TTF2: variants seen among roughly 807,000 people sequenced by gnomAD.
The protein encoded by TTF2 is transcription termination factor 2.
A neutral mutation model predicts 142.4 loss-of-function variants in TTF2; 108 were observed. The observed-to-expected ratio is 0.76, with a 90% CI of 0.65 to 0.89. The LOEUF (loss-of-function observed/expected upper bound fraction) is 0.89. TTF2 is among the 40% of genes least tolerant of loss of function. TTF2 has a pLI of 0.00. For missense variants in TTF2, 1,327 were observed against 1,379.8 expected (o/e 0.96, Z 0.61); for synonymous variants, 483 against 506.2 (o/e 0.95, Z 0.61).
rs1470829837 is a variant in TTF2 at position 117,101,316 on chromosome 1, A to G, written c.3345-64A>G. The G allele has an allele frequency of 2.7e-5, 39 of 1,435,892 alleles. No homozygotes were observed. The highest frequency in any genetic ancestry group is 3.6e-5 in the Non-Finnish European group (39 of 1,076,278). The allele number at this position is 1,435,892 out of a possible 1,614,324, so 88.9% of individuals were successfully genotyped here. On this transcript the variant is annotated intron_variant, in intron 22 of 22. Transcript: ENST00000369466. The surrounding 1 kb of genome is among the most constrained non-coding windows in gnomAD (Gnocchi z 5.9). ...ATGAAAGCATAATAAAAGTTTGAAT[A>G]TATTATTAGATGTGCTGCTTAGGGT...
chr1:117,085,783 G>C lies in TTF2; in HGVS notation c.2055-634G>C, dbSNP rs1339913866. On this transcript the variant is annotated intron_variant, in intron 11 of 22. Coordinates refer to ENST00000369466, the MANE Select transcript of TTF2 (RefSeq NM_003594.4). The surrounding 1 kb of genome is among the most constrained non-coding windows in gnomAD (Gnocchi z 4.7). ...TTTATTGAAGTTCTCACAATATTAA[G>C]CTTCACTGGAAAAAGATTTGTGTTT... 6.6e-6 allele frequency among the ~76,000 whole-genome samples: 1 copy of C among 151,774 alleles called. No individual in the cohort carries two copies. The highest frequency in any genetic ancestry group is 1.5e-5 in the Non-Finnish European group (1 of 67,956).
At chr1:117,098,671 GT>G in intron 21 of TTF2, 161 bp from the exon 22 acceptor site, 1 of 590,974 alleles carries the variant, frequency 1.7e-6, no homozygotes, top group Non-Finnish European at 2.9e-6. Context: ...TGATGTGTGT[GT>G]TTTGTTTTGC....
intron 18 of TTF2, among the ~76,000 whole-genome samples, chr1:117,094,167 A>G (rs1190875497): frequency 1.3e-5 from 2 of 152,216 alleles, no homozygotes; most frequent in African/African-American, 4.8e-5. Flanking sequence ...AAGCAGCCCC[A>G]TGTGGTGACC....
chr1:117,075,292 T>C lies in TTF2; in HGVS notation c.708T>C (p.Ser236=). The C allele has an allele frequency of 6.2e-7, 1 of 1,614,150 alleles. No individual in the cohort carries two copies. Among genetic ancestry groups the C allele is most frequent in the Non-Finnish European group, 8.5e-7 (1 of 1,180,028 alleles). ...AGCTTACAAGACCATCTGCATCTTC[T>C]CAGGAGAAATCAAGTGGTAAGAGTC... ...GNELTRPSAS[S]QEKSSGKSQD... The change falls in exon 5 of 23, where the codon TCT becomes TCC. Residue 236 remains serine, a synonymous_variant. Coordinates refer to ENST00000369466, the MANE Select transcript of TTF2 (RefSeq NM_003594.4). The surrounding 1 kb of genome is among the most constrained non-coding windows in gnomAD (Gnocchi z 4.5).
intron 3 of TTF2, among the ~76,000 whole-genome samples, chr1:117,066,824 T>G (rs1656178417): frequency 6.6e-6 from 1 of 150,542 alleles, no homozygotes; most frequent in Admixed American, 6.6e-5. Flanking sequence ...TGTCTCAGCC[T>G]CCCGAGTAGC....
chr1:117,095,722 T>C (rs1469973289), intron 19 of TTF2, among the ~76,000 whole-genome samples: 1 of 152,166 alleles, frequency 6.6e-6, no homozygotes, highest in African/African-American at 2.4e-5. Flanking sequence ...CCTGCATTAT[T>C]TATAAAATAA....
At position 117,101,313 on chromosome 1, in the gene TTF2, A is replaced by C; in HGVS notation, c.3345-67A>C. 7.0e-7 allele frequency: 1 copy of C among 1,428,204 alleles called. No individual in the cohort carries two copies. Among genetic ancestry groups the C allele is most frequent in the Non-Finnish European group, 9.3e-7 (1 of 1,071,010 alleles). 88.5% of individuals were successfully genotyped at this position (1,428,204 alleles called of 1,614,324 possible). A position where few individuals can be genotyped will look rare whatever the true frequency, so the allele number is the denominator to read the frequency against. On this transcript the variant is annotated intron_variant, in intron 22 of 22. Coordinates refer to ENST00000369466, the MANE Select transcript of TTF2 (RefSeq NM_003594.4). The surrounding 1 kb of genome is among the most constrained non-coding windows in gnomAD (Gnocchi z 5.9). Reference sequence around the variant, plus strand: ...AAAATGAAAGCATAATAAAAGTTTGAATATATTATTAGATGTGCTGCTTAG... The same window carrying C: ...AAAATGAAAGCATAATAAAAGTTTGCATATATTATTAGATGTGCTGCTTAG...
Position 117,090,472 on chromosome 1 carries a change from T to G in TTF2, c.2497-60T>G. ...ATGCAGTGTCAGTATGGGGAATTTGTTCTATAATAGGCAGTTAATTTGTAT... is the reference window on the plus strand; with the variant it reads ...ATGCAGTGTCAGTATGGGGAATTTGGTCTATAATAGGCAGTTAATTTGTAT... On this transcript the variant is annotated intron_variant, in intron 14 of 22. Transcript: ENST00000369466. This position sits in a 1 kb window ranked among gnomAD's most constrained non-coding sequence, Gnocchi z 4.8. 1 of 1,498,660 alleles carries G rather than the reference T, an allele frequency of 6.7e-7. No individual in the cohort carries two copies. Among genetic ancestry groups the G allele is most frequent in the South Asian group, 1.2e-5 (1 of 84,704 alleles). 92.8% of individuals were successfully genotyped at this position (1,498,660 alleles called of 1,614,324 possible). A position where few individuals can be genotyped will look rare whatever the true frequency, so the allele number is the denominator to read the frequency against.
In TTF2 at chr1:117,066,775, T is replaced by C. The variant is rs913041312; in HGVS notation, c.218+4302T>C. The stretch of plus-strand genomic sequence containing the variant: ...TGGAGTACAGTGGCACAATCTCAGC[T>C]CACTGCGACCTCTGCCTCCCAGGTT... On this transcript the variant is annotated intron_variant, in intron 3 of 22. Transcript: ENST00000369466. 2.7e-5 allele frequency among the ~76,000 whole-genome samples: 4 copies of C among 147,760 alleles called. No individual in the cohort carries two copies. In the South Asian group the frequency reaches 6.6e-4, roughly 25 times the overall value.
At chr1:117,089,626 C>T (rs1311448009) in intron 13 of TTF2, among the ~76,000 whole-genome samples, 1 of 152,030 alleles carries the variant, frequency 6.6e-6, no homozygotes, top group Non-Finnish European at 1.5e-5. Context: ...GAGTTCAAGG[C>T]TGCAGTGAGC....
Position 117,079,323 on chromosome 1 carries a change from A to AG in TTF2, c.1702-239dup, listed in dbSNP as rs1403952537. On this transcript the variant is annotated intron_variant, in intron 8 of 22. Transcript: ENST00000369466. This position sits in a 1 kb window ranked among gnomAD's most constrained non-coding sequence, Gnocchi z 4.2. Reference sequence around the variant, plus strand: ...AAATCAGGACTCTCACTTGGGGTGTAGGGGGGACTCTTAATAGAAATGCTG... The same window carrying AG: ...AAATCAGGACTCTCACTTGGGGTGTAGGGGGGGACTCTTAATAGAAATGCTG... 1.3e-5 allele frequency among the ~76,000 whole-genome samples: 2 copies of AG among 152,166 alleles called. No individual in the cohort carries two copies. The highest frequency in any genetic ancestry group is 4.8e-5 in the African/African-American group (2 of 41,450).
chr1:117,076,825 TAAGACCC>T lies in TTF2; in HGVS notation c.1573+6_1573+12del. On this transcript the variant is annotated splice_donor_5th_base_variant and intron_variant, in intron 7 of 22. Transcript: ENST00000369466. This position sits in a 1 kb window ranked among gnomAD's most constrained non-coding sequence, Gnocchi z 4.6. ...GAGGATCCAGTCAGTGCTATCGAGGTAAGACCCAAGGGCCTGACCCTGCTGTGAATAG... is the reference window on the plus strand; with the variant it reads ...GAGGATCCAGTCAGTGCTATCGAGGTAAGGGCCTGACCCTGCTGTGAATAG... 1.9e-6 allele frequency: 3 copies of T among 1,610,572 alleles called. No individual in the cohort carries two copies. The highest frequency in any genetic ancestry group is 1.7e-6 in the Non-Finnish European group (2 of 1,178,144).
intron 3 of TTF2, among the ~76,000 whole-genome samples, chr1:117,064,831 T>TC (rs1655959486): frequency 6.9e-6 from 1 of 144,930 alleles, no homozygotes; most frequent in Non-Finnish European, 1.5e-5. Flanking sequence ...TTTTTTTTTT[T>TC]TCTTCTTCTT....
At chr1:117,082,776 G>A (rs1647640125) in intron 10 of TTF2, among the ~76,000 whole-genome samples, 1 of 152,104 alleles carries the variant, frequency 6.6e-6, no homozygotes, top group South Asian at 2.1e-4. Flanking sequence ...AATCACTTGA[G>A]CCTGGGAGCT....
At position 117,101,329 on chromosome 1, in the gene TTF2, T is replaced by C; in HGVS notation, c.3345-51T>C. ...AAAAGTTTGAATATATTATTAGATG[T>C]GCTGCTTAGGGTTTTTGATAGTTTG... is the stretch of plus-strand genomic sequence containing the variant. On this transcript the variant is annotated intron_variant, in intron 22 of 22. Transcript: ENST00000369466. The surrounding 1 kb of genome is among the most constrained non-coding windows in gnomAD (Gnocchi z 5.9). 8 of 1,506,648 alleles carry C rather than the reference T, an allele frequency of 5.3e-6. No homozygotes were observed. Among genetic ancestry groups the C allele is most frequent in the Non-Finnish European group, 7.1e-6 (8 of 1,130,112 alleles). The allele number at this position is 1,506,648 out of a possible 1,614,324, so 93.3% of individuals were successfully genotyped here. A position where few individuals can be genotyped will look rare whatever the true frequency, so the allele number is the denominator to read the frequency against.
At position 117,090,290 on chromosome 1, in the gene TTF2, G is replaced by C; in HGVS notation, c.2496+82G>C. The C allele has an allele frequency of 6.5e-7, 1 of 1,539,842 alleles. No homozygotes were observed. Among genetic ancestry groups the C allele is most frequent in the Non-Finnish European group, 8.7e-7 (1 of 1,143,360 alleles). ...CTTGTCTTGGGTTGAACAGCCATCT[G>C]CTTTGCTTCAGGAGCCTCTGAGTTT... On this transcript the variant is annotated intron_variant, in intron 14 of 22. Coordinates refer to ENST00000369466, the MANE Select transcript of TTF2 (RefSeq NM_003594.4). This position sits in a 1 kb window ranked among gnomAD's most constrained non-coding sequence, Gnocchi z 4.8.
chr1:117,081,931 G>T lies in TTF2; in HGVS notation c.1887G>T (p.Thr629=). The T allele has an allele frequency of 1.9e-6, 3 of 1,614,152 alleles. No homozygotes were observed. Among genetic ancestry groups the T allele is most frequent in the Non-Finnish European group, 2.5e-6 (3 of 1,180,000 alleles). The change falls in exon 10 of 23, where the codon ACG becomes ACT. Residue 629 remains threonine, a synonymous_variant. Transcript: ENST00000369466. The part of the protein sequence containing the change: ...KEEKEKSTAL[T]WLSKDDSCDF... ...AAAAGGAGAAAAGCACAGCTTTGAC[G>T]TGGCTCTCCAAAGATGGTAGACAGA... is the stretch of plus-strand genomic sequence containing the variant.
At chr1:117,077,230 G>A (rs1313444458) in intron 7 of TTF2, among the ~76,000 whole-genome samples, 2 of 152,132 alleles carry the variant, frequency 1.3e-5, no homozygotes, top group African/African-American at 4.8e-5. Flanking sequence ...AGATGTCTTT[G>A]TGCCCACATG....
rs1216055475 is a variant in TTF2 at position 117,092,909 on chromosome 1, T to C, written c.2976+8T>C. 1.2e-6 allele frequency: 2 copies of C among 1,614,060 alleles called. No individual in the cohort carries two copies. Among genetic ancestry groups the C allele is most frequent in the Non-Finnish European group, 1.7e-6 (2 of 1,180,012 alleles). ...ATGCGAGAGAGCACCAAGGTACTTTTTGTCTCCTCTGTAGTAGTCGAGAGA... is the reference window on the plus strand; with the variant it reads ...ATGCGAGAGAGCACCAAGGTACTTTCTGTCTCCTCTGTAGTAGTCGAGAGA... On this transcript the variant is annotated splice_region_variant and intron_variant, in intron 18 of 22. Coordinates refer to ENST00000369466, the MANE Select transcript of TTF2 (RefSeq NM_003594.4). The surrounding 1 kb of genome is among the most constrained non-coding windows in gnomAD (Gnocchi z 4.4).
Sources: allele counts gnomAD v4.1 joint callset (sites outside exome capture counted in the v4.1 genomes callset), GRCh38; gene constraint gnomAD v4.1.1; non-coding constraint Gnocchi (gnomAD v3.1); transcripts MANE v1.5; gene names NCBI Gene and HGNC (gene_info 2026-07-23, HGNC 2026-07-21).